Variants in PALLD observed in about 807,000 individuals in gnomAD.
The protein encoded by PALLD is palladin, cytoskeletal associated protein.
In PALLD, 61 loss-of-function variants were observed where a neutral mutation model predicts 123.5. The observed-to-expected ratio is 0.49, with a 90% CI of 0.40 to 0.61. The LOEUF is 0.61. Ranked by LOEUF, PALLD falls within the 20% of genes least tolerant of loss-of-function variation. The pLI is 0.00. For synonymous variants in PALLD, 465 were observed against 496.4 expected, an observed-to-expected ratio of 0.94 and a Z score of 0.84; for missense variants, 1,273 against 1,377.0, an observed-to-expected ratio of 0.92 and a Z score of 1.20.
chr4:168,716,698 C>T (rs1785400582), intron 10 of PALLD, among the ~76,000 whole-genome samples: 1 of 152,136 alleles, frequency 6.6e-6, no homozygotes, highest in Non-Finnish European at 1.5e-5. Flanking sequence ...CAGTCCAGTT[C>T]TAGGCTAACA....
chr4:168,550,585 G>T (rs376705941), intron 2 of PALLD, among the ~76,000 whole-genome samples: 20,735 of 152,042 alleles, frequency 0.14, 1,638 homozygotes, highest in East Asian at 0.27. Flanking sequence ...AGAGCCACTG[G>T]GAGAGTCTCC....
chr4:168,711,651 T>TC lies in PALLD; in HGVS notation c.1697dup (p.Pro567SerfsTer17). The TC allele has an allele frequency of 6.2e-7, 1 of 1,613,638 alleles. No individual in the cohort carries two copies. The highest frequency in any genetic ancestry group is 8.5e-7 in the Non-Finnish European group (1 of 1,179,744). On this transcript the variant is annotated frameshift_variant, in exon 10 of 22. Coordinates refer to ENST00000505667, the MANE Select transcript of PALLD (RefSeq NM_001166108.2). LOFTEE classifies it high-confidence loss of function. ...ATGACCACTTCCAACACTTTCCACC[T>TC]CCCCCTCCAATCTTGGAGACAAGTT... is the stretch of plus-strand genomic sequence containing the variant.
intron 2 of PALLD, among the ~76,000 whole-genome samples, chr4:168,540,238 C>A (rs1272371814): frequency 1.3e-5 from 2 of 152,176 alleles, no homozygotes; most frequent in Non-Finnish European, 2.9e-5. Context: ...TAGGCGACTA[C>A]TATCAGATTC....
At chr4:168,715,334 A>C (rs1425241176) in intron 10 of PALLD, among the ~76,000 whole-genome samples, 1 of 152,162 alleles carries the variant, frequency 6.6e-6, no homozygotes, top group East Asian at 1.9e-4. Context: ...TGACCTGCAC[A>C]CAGGATTTGT....
chr4:168,651,018 GT>G lies in PALLD; in HGVS notation c.909-17169del, dbSNP rs570076348. On this transcript the variant is annotated intron_variant, in intron 2 of 21. Coordinates refer to ENST00000505667, the MANE Select transcript of PALLD (RefSeq NM_001166108.2). Reference sequence around the variant, plus strand: ...GAAAATCAGATTTTGCTCACAAGGGGTTTGGAAAGTGCCTTTTCAGGATCGT... The same window carrying G: ...GAAAATCAGATTTTGCTCACAAGGGGTTGGAAAGTGCCTTTTCAGGATCGT... Among the ~76,000 whole-genome samples the G allele has an allele frequency of 1.8e-3, 280 of 152,256 alleles. 1 individual carries two copies. Among genetic ancestry groups the G allele is most frequent in the Admixed American group, 2.9e-3 (45 of 15,282 alleles).
At chr4:168,883,641 T>C (rs1752935388) in intron 10 of PALLD, among the ~76,000 whole-genome samples, 1 of 152,236 alleles carries the variant, frequency 6.6e-6, no homozygotes, top group Non-Finnish European at 1.5e-5. Context: ...TTGGTGGTGA[T>C]TGAATCTGGA....
chr4:168,894,783 C>T (rs1754763045), intron 12 of PALLD, 106 bp downstream of exon 12: 1 of 1,532,930 alleles, frequency 6.5e-7, no homozygotes, highest in Admixed American at 2.0e-5. Flanking sequence ...AAGTAGAGGG[C>T]AAGTCACAGA....
chr4:168,785,613 T>C (rs977371355), intron 10 of PALLD, among the ~76,000 whole-genome samples: 5 of 151,950 alleles, frequency 3.3e-5, no homozygotes, highest in Middle Eastern at 3.4e-3. Context: ...CTATATAAGC[T>C]TAATTGTCCT....
At chr4:168,785,035 C>A (rs1736484500) in intron 10 of PALLD, among the ~76,000 whole-genome samples, 1 of 146,960 alleles carries the variant, frequency 6.8e-6, no homozygotes, top group South Asian at 2.2e-4. Flanking sequence ...TTTAATGAAG[C>A]CCCAGCTTTT....
At chr4:168,535,243 T>A (rs1764988744) in intron 2 of PALLD, among the ~76,000 whole-genome samples, 1 of 152,198 alleles carries the variant, frequency 6.6e-6, no homozygotes, top group Admixed American at 6.5e-5. Context: ...TTTCCTTATG[T>A]AGGTTTTTAT....
chr4:168,620,536 G>A (rs1174950407), intron 2 of PALLD, among the ~76,000 whole-genome samples: 1 of 152,048 alleles, frequency 6.6e-6, no homozygotes, highest in Non-Finnish European at 1.5e-5. Context: ...AGTGCTCAGT[G>A]AAAAAAATAC....
chr4:168,750,229 G>A (rs1730872645), intron 10 of PALLD, among the ~76,000 whole-genome samples: 1 of 152,136 alleles, frequency 6.6e-6, no homozygotes, highest in African/African-American at 2.4e-5. Context: ...TTACAGGCGT[G>A]AACCAATGCG....
At chr4:168,665,514 G>C (rs1325830014) in intron 2 of PALLD, among the ~76,000 whole-genome samples, 1 of 152,178 alleles carries the variant, frequency 6.6e-6, no homozygotes, top group Non-Finnish European at 1.5e-5. Flanking sequence ...AGTGAGCTGA[G>C]ATCGCGCCAC....
At position 168,705,658 on chromosome 4, in the gene PALLD, C is replaced by G. The variant is rs7661567; in HGVS notation, c.1502-3370C>G. On this transcript the variant is annotated intron_variant, in intron 8 of 21. Coordinates refer to ENST00000505667, the MANE Select transcript of PALLD (RefSeq NM_001166108.2). ...TTGGCTTTCTTTTTTTCTTTTGAGACAGAGTTTCACTTTTGTTGCCCAGGC... is the reference window on the plus strand; with the variant it reads ...TTGGCTTTCTTTTTTTCTTTTGAGAGAGAGTTTCACTTTTGTTGCCCAGGC... Among the ~76,000 whole-genome samples, 1,404 of 152,218 alleles carry G rather than the reference C, an allele frequency of 9.2e-3. 18 individuals are homozygous for G. Among genetic ancestry groups the G allele is most frequent in the African/African-American group, 0.032 (1,310 of 41,538 alleles).
intron 2 of PALLD, among the ~76,000 whole-genome samples, chr4:168,529,001 G>A (rs1297729977): frequency 1.3e-5 from 2 of 152,130 alleles, no homozygotes; most frequent in Non-Finnish European, 2.9e-5. Context: ...AAGGAATCCA[G>A]ATCAGTGGAA....
intron 5 of PALLD, among the ~76,000 whole-genome samples, chr4:168,684,921 C>T (rs1781883494): frequency 6.6e-6 from 1 of 152,200 alleles, no homozygotes; most frequent in Non-Finnish European, 1.5e-5. Context: ...CCATTCACTA[C>T]TCTGAAATCC....
intron 2 of PALLD, among the ~76,000 whole-genome samples, chr4:168,620,598 T>C (rs1363187410): frequency 6.6e-6 from 1 of 152,192 alleles, no homozygotes; most frequent in African/African-American, 2.4e-5. Context: ...TTGCATTTGA[T>C]AGATAACTTT....
intron 10 of PALLD, among the ~76,000 whole-genome samples, chr4:168,824,155 C>CT (rs1235531825): frequency 6.6e-6 from 1 of 152,194 alleles, no homozygotes; most frequent in Non-Finnish European, 1.5e-5. Context: ...GAAGGCCTGG[C>CT]TTTTAAAGAG....
At chr4:168,905,790 C>CTTTTTTTTTTTT (rs59427697) in intron 15 of PALLD, among the ~76,000 whole-genome samples, 122 of 113,114 alleles carry the variant, frequency 1.1e-3, no homozygotes, top group Middle Eastern at 5.4e-3. Flanking sequence ...GCTTTTTTTT[C>CTTTTTTTTTTTT]TTTTTTTTTT....
Sources: allele counts gnomAD v4.1 joint callset (sites outside exome capture counted in the v4.1 genomes callset), GRCh38; gene constraint gnomAD v4.1.1; transcripts MANE v1.5; gene names NCBI Gene and HGNC (gene_info 2026-07-23, HGNC 2026-07-21).